SPATA33: variants seen among roughly 807,000 people sequenced by gnomAD.
The protein encoded by SPATA33 is spermatogenesis associated 33.
A neutral mutation model predicts 8.9 loss-of-function variants in SPATA33; 10 were observed. The ratio of observed to expected loss-of-function variants is 1.12; its 90% CI spans 0.69 to 1.90. SPATA33 has a LOEUF of 1.90. Ranked by LOEUF, SPATA33 falls within the 40% of genes most tolerant of loss-of-function variation. SPATA33 has a pLI of 0.00. For synonymous variants in SPATA33, 96 were observed against 72.8 expected, an observed-to-expected ratio of 1.32 and a Z score of -1.63; for missense variants, 241 against 178.3, an observed-to-expected ratio of 1.35 and a Z score of -2.00.
intron 2 of SPATA33, among the ~76,000 whole-genome samples, chr16:89,668,765 G>C (rs968128001): frequency 6.6e-6 from 1 of 152,266 alleles, no homozygotes; most frequent in Non-Finnish European, 1.5e-5. Context: ...CTTTTGCTTT[G>C]TACGTGGCAA....
chr16:89,661,112 G>GT (rs1179328935), intron 2 of SPATA33: 1 of 985,404 alleles, frequency 1.0e-6, no homozygotes, highest in African/African-American at 1.7e-5. Flanking sequence ...GAGGTTTGGG[G>GT]TAAGTTACTA....
chr16:89,666,461 G>A (rs1378558438), intron 2 of SPATA33, among the ~76,000 whole-genome samples: 1 of 151,826 alleles, frequency 6.6e-6, no homozygotes, highest in African/African-American at 2.4e-5. Flanking sequence ...CTGAGAGTTC[G>A]AGACCAGCCT....
chr16:89,662,293 C>T (rs536451280), intron 2 of SPATA33, among the ~76,000 whole-genome samples: 1 of 141,796 alleles, frequency 7.1e-6, no homozygotes, highest in Non-Finnish European at 1.5e-5. Context: ...GACTCCATCT[C>T]AAAAAAAAAA....
At position 89,660,904 on chromosome 16, in the gene SPATA33, G is replaced by A. The variant is rs1406780295; in HGVS notation, c.211+2483G>A. On this transcript the variant is annotated intron_variant, in intron 2 of 2. Transcript: ENST00000579310. The stretch of plus-strand genomic sequence containing the variant: ...CTTTAGTGATTCCAGGCTCTGGCTG[G>A]AACCTTGAGTCTTCTCAGCTTGGGG... The A allele has an allele frequency of 9.5e-6, 10 of 1,052,288 alleles. No homozygotes were observed. The South Asian group carries it at 1.8e-4, about 19-fold the overall frequency. 65.2% of individuals were successfully genotyped at this position (1,052,288 alleles called of 1,614,324 possible). A position where few individuals can be genotyped will look rare whatever the true frequency, so the allele number is the denominator to read the frequency against.
rs138670827 is a variant in SPATA33, at chr16:89,662,245, G to A, written c.211+3824G>A. On this transcript the variant is annotated intron_variant, in intron 2 of 2. Transcript: ENST00000579310. ...GGAAGCAGAGGTTGCAGTGAGCCAC[G>A]ATCATCCCACTGCACTCCAGCCTGG... Among the ~76,000 whole-genome samples, 451 of 150,180 alleles carry A rather than the reference G, an allele frequency of 3.0e-3. 2 individuals carry two copies. The highest frequency in any genetic ancestry group is 0.011 in the African/African-American group (434 of 40,772).
intron 2 of SPATA33, chr16:89,660,148 C>G (rs548701337): frequency 1.6e-5 from 3 of 190,906 alleles, no homozygotes; most frequent in East Asian, 1.2e-4. Flanking sequence ...CTTTGCGTGT[C>G]TCTTCTTGAC....
chr16:89,660,804 G>A (rs1597801869), intron 2 of SPATA33: 1 of 1,066,608 alleles, frequency 9.4e-7, no homozygotes, highest in Non-Finnish European at 1.2e-6. Context: ...ATCTGAACAT[G>A]GGAAGCACTG....
At chr16:89,662,058 G>C (rs1280188222) in intron 2 of SPATA33, among the ~76,000 whole-genome samples, 1 of 152,120 alleles carries the variant, frequency 6.6e-6, no homozygotes, top group Non-Finnish European at 1.5e-5. Context: ...TTGGGAGGCC[G>C]AGACGGGTGG....
At chr16:89,664,613 A>T (rs112536073) in intron 2 of SPATA33, among the ~76,000 whole-genome samples, 2 of 145,646 alleles carry the variant, frequency 1.4e-5, no homozygotes, top group African/African-American at 2.5e-5. Flanking sequence ...GAGGCTCTTT[A>T]GGGCCCGACC....
At chr16:89,658,087 C>G in intron 1 of SPATA33, 139 bp downstream of exon 1, 1 of 1,478,282 alleles carries the variant, frequency 6.8e-7, no homozygotes, top group Non-Finnish European at 8.9e-7. Flanking sequence ...GCCGAGTCCG[C>G]CACGGACGGC....
At chr16:89,665,335 C>T (rs933834109) in intron 2 of SPATA33, among the ~76,000 whole-genome samples, 1 of 139,228 alleles carries the variant, frequency 7.2e-6, no homozygotes, top group African/African-American at 2.7e-5. Context: ...TGGAGTCTTG[C>T]TCTGTCGCCA....
chr16:89,667,082 C>G (rs1240179114), intron 2 of SPATA33, among the ~76,000 whole-genome samples: 1 of 152,118 alleles, frequency 6.6e-6, no homozygotes, highest in Non-Finnish European at 1.5e-5. Context: ...TCTAAACTCC[C>G]CTGGGGAAAG....
intron 2 of SPATA33, chr16:89,660,819 TTAG>T (rs2059956946): frequency 2.7e-6 from 3 of 1,120,900 alleles, no homozygotes; most frequent in Non-Finnish European, 3.3e-6. Flanking sequence ...GCACTGCAGT[TTAG>T]TAGTCCTGGT....
At chr16:89,664,622 C>G (rs2060002004) in intron 2 of SPATA33, among the ~76,000 whole-genome samples, 1 of 148,412 alleles carries the variant, frequency 6.7e-6, no homozygotes, top group African/African-American at 2.5e-5. Flanking sequence ...TAGGGCCCGA[C>G]CTGATCAGGG....
chr16:89,660,143 C>G (rs376077973), intron 2 of SPATA33: 1 of 184,828 alleles, frequency 5.4e-6, no homozygotes, highest in Non-Finnish European at 1.1e-5. Context: ...AAAGACTTTG[C>G]GTGTCTCTTC....
In SPATA33 at chr16:89,664,120, G is replaced by A. The variant is rs7191576; in HGVS notation, c.212-5166G>A. ...GGCGACAGAGTAAGACCCTATTTATGCTTCCTAGCAAGGAAAGACAGTACA... is the reference window on the plus strand; with the variant it reads ...GGCGACAGAGTAAGACCCTATTTATACTTCCTAGCAAGGAAAGACAGTACA... On this transcript the variant is annotated intron_variant, in intron 2 of 2. Coordinates refer to ENST00000579310, the MANE Select transcript of SPATA33 (RefSeq NM_001271907.2). 9.1e-3 allele frequency among the ~76,000 whole-genome samples: 1,391 copies of A among 152,252 alleles called. 21 individuals are homozygous for A. The highest frequency in any genetic ancestry group is 0.032 in the African/African-American group (1,329 of 41,546).
Position 89,669,476 on chromosome 16 carries a change from T to TAA in SPATA33, c.403_404dup (p.Asn135LysfsTer21). 6.2e-7 allele frequency: 1 copy of TAA among 1,612,982 alleles called. No individual in the cohort carries two copies. Among genetic ancestry groups the TAA allele is most frequent in the Non-Finnish European group, 8.5e-7 (1 of 1,180,008 alleles). On this transcript the variant is annotated frameshift_variant, in exon 3 of 3. Transcript: ENST00000579310. LOFTEE classifies it high-confidence loss of function. Reference sequence around the variant, plus strand: ...GGAACCCCAGTACAGCAGACGCCTATAATTCACATCTCAAAGAATAAACAA... The same window carrying TAA: ...GGAACCCCAGTACAGCAGACGCCTATAAAATTCACATCTCAAAGAATAAACAA...
Position 89,669,462 on chromosome 16 carries a change from A to G in SPATA33, c.388A>G (p.Thr130Ala), listed in dbSNP as rs140369837. ...GPYRRHRNPSTADAYNSHLKE is the reference protein window; with the variant it reads ...GPYRRHRNPSAADAYNSHLKE ...CTACCGGCGGCACAGGAACCCCAGT[A>G]CAGCAGACGCCTATAATTCACATCT... Residue 130 changes from threonine (T) to alanine (A), a missense_variant, in exon 3 of 3, where the codon ACA (threonine) becomes GCA (alanine). Transcript: ENST00000579310. The G allele has an allele frequency of 2.5e-5, 40 of 1,613,380 alleles. No individual in the cohort carries two copies. The highest frequency in any genetic ancestry group is 1.0e-4 in the Admixed American group (6 of 60,004).
At chr16:89,668,935 G>A (rs773614327) in intron 2 of SPATA33, among the ~76,000 whole-genome samples, 1 of 152,200 alleles carries the variant, frequency 6.6e-6, no homozygotes, top group Non-Finnish European at 1.5e-5. Flanking sequence ...CCTTTGGAGT[G>A]GAAATGATGT....
Sources: gnomAD v4.1 joint callset for allele counts (sites outside exome capture counted in the v4.1 genomes callset) on GRCh38, gnomAD v4.1.1 for gene constraint, MANE v1.5 for transcripts, NCBI Gene and HGNC (gene_info 2026-07-23, HGNC 2026-07-21) for gene names.